NNT: variants seen among roughly 807,000 people sequenced by gnomAD.
The protein encoded by NNT is NAD(P) transhydrogenase, mitochondrial.
NNT carries 50 observed loss-of-function variants against 104.8 expected under a neutral mutation model. The ratio of observed to expected loss-of-function variants is 0.48; its 90% CI spans 0.38 to 0.60. The LOEUF (loss-of-function observed/expected upper bound fraction) is 0.60, where lower values mean the gene tolerates loss of function less well. Ranked by LOEUF, NNT falls within the 20% of genes least tolerant of loss-of-function variation. NNT has a pLI of 0.00. For missense variants in NNT, 1,131 were observed against 1,330.7 expected (o/e 0.85, Z 2.33); for synonymous variants, 461 against 490.4 (o/e 0.94, Z 0.79).
At chr5:43,703,910 T>C (rs545914671) in intron 21 of NNT, among the ~76,000 whole-genome samples, 1 of 152,324 alleles carries the variant, frequency 6.6e-6, no homozygotes, top group African/African-American at 2.4e-5. Flanking sequence ...CTTTAGCACA[T>C]TCATAGAAAG....
chr5:43,658,400 G>A (rs1433582477), intron 16 of NNT, among the ~76,000 whole-genome samples: 1 of 152,142 alleles, frequency 6.6e-6, no homozygotes, highest in African/African-American at 2.4e-5. Context: ...GTAATTTCGA[G>A]TTGTATCACG....
intron 5 of NNT, among the ~76,000 whole-genome samples, chr5:43,622,422 A>G (rs551553526): frequency 8.5e-5 from 13 of 152,232 alleles, no homozygotes; most frequent in African/African-American, 2.4e-4. Context: ...TTCTTTTTTT[A>G]AAAAAGTTTT....
intron 17 of NNT, among the ~76,000 whole-genome samples, chr5:43,668,664 G>C (rs1740858764): frequency 1.3e-5 from 2 of 152,196 alleles, no homozygotes; most frequent in Admixed American, 6.5e-5. Flanking sequence ...CCAGTACCAT[G>C]CTGTTTTGGT....
chr5:43,644,248 T>C lies in NNT; in HGVS notation c.1021T>C (p.Ser341Pro). ...AATGATTGAGTCAATGAAGGAAGGTTCAGTTGTTGTGGATTTAGCTGCTGA... is the reference window on the plus strand; with the variant it reads ...AATGATTGAGTCAATGAAGGAAGGTCCAGTTGTTGTGGATTTAGCTGCTGA... ...KEMIESMKEG[S>P]VVVDLAAEAG... The change falls in exon 8 of 22, where the codon TCA becomes CCA. Residue 341 changes from serine to proline, a missense_variant. Physicochemically the swap from Ser to Pro is moderately conservative, Grantham distance 74. Coordinates refer to ENST00000344920, the MANE Select transcript of NNT (RefSeq NM_182977.3). 1 of 1,613,510 alleles carries C rather than the reference T, an allele frequency of 6.2e-7. No individual in the cohort carries two copies. The highest frequency in any genetic ancestry group is 1.1e-5 in the South Asian group (1 of 90,978).
At chr5:43,619,951 T>C (rs1249050641) in intron 5 of NNT, among the ~76,000 whole-genome samples, 1 of 151,958 alleles carries the variant, frequency 6.6e-6, no homozygotes, top group Non-Finnish European at 1.5e-5. Context: ...AGAGAGAAAC[T>C]GAGGGAGCCA....
At chr5:43,697,759 T>C (rs542348096) in intron 19 of NNT, among the ~76,000 whole-genome samples, 13 of 152,278 alleles carry the variant, frequency 8.5e-5, no homozygotes, top group East Asian at 3.9e-4. Flanking sequence ...TCACATCTTA[T>C]GTGGATGGTG....
chr5:43,687,174 T>C (rs977602582), intron 19 of NNT, among the ~76,000 whole-genome samples: 1 of 152,136 alleles, frequency 6.6e-6, no homozygotes, highest in African/African-American at 2.4e-5. Context: ...AGTTATGTTA[T>C]TGTATAGTAA....
Position 43,628,395 on chromosome 5 carries a change from A to C in NNT, c.964+8A>C, listed in dbSNP as rs1365089764. ...GCACAGCACTTATTCCAGGTATGCCATTAAGTAAACGGTTATTTTAAAAGC... is the reference window on the plus strand; with the variant it reads ...GCACAGCACTTATTCCAGGTATGCCCTTAAGTAAACGGTTATTTTAAAAGC... On this transcript the variant is annotated splice_region_variant and intron_variant, in intron 7 of 21. Coordinates refer to ENST00000344920, the MANE Select transcript of NNT (RefSeq NM_182977.3). 6.4e-7 allele frequency: 1 copy of C among 1,566,274 alleles called. No homozygotes were observed. Among genetic ancestry groups the C allele is most frequent in the Non-Finnish European group, 8.6e-7 (1 of 1,156,732 alleles).
intron 18 of NNT, among the ~76,000 whole-genome samples, chr5:43,677,155 C>T (rs1023828472): frequency 2.6e-5 from 4 of 151,916 alleles, no homozygotes; most frequent in African/African-American, 4.8e-5. Context: ...TACTGGCGCT[C>T]AAATGACAGG....
At chr5:43,623,981 T>G (rs1045318843) in intron 5 of NNT, 51 bp from the exon 6 acceptor site, 1 of 1,542,802 alleles carries the variant, frequency 6.5e-7, no homozygotes, top group Non-Finnish European at 9.0e-7. Context: ...TGATGATTTT[T>G]CATTATTAGT....
At chr5:43,607,437 T>A (rs1460712495) in intron 1 of NNT, among the ~76,000 whole-genome samples, 1 of 152,058 alleles carries the variant, frequency 6.6e-6, no homozygotes, top group Non-Finnish European at 1.5e-5. Context: ...AAACCTCCCT[T>A]AACTGTAATT....
rs1743093280 is a variant in NNT, at chr5:43,706,339, CTCTTTTTCCA to C, written c.*1936_*1945del. ...TTTTATACATTCTATTTCATTATTC[CTCTTTTTCCA>C]ATAAGTCATACAATTGGTAGATATG... On this transcript the variant is annotated 3_prime_UTR_variant, in exon 22 of 22. Transcript: ENST00000344920. The C allele has an allele frequency of 4.0e-5, 6 of 151,068 alleles. No individual in the cohort carries two copies. The highest frequency in any genetic ancestry group is 3.3e-4 in the Admixed American group (5 of 15,188). 9.4% of individuals were successfully genotyped at this position (151,068 alleles called of 1,614,324 possible). A position where few individuals can be genotyped will look rare whatever the true frequency, so the allele number is the denominator to read the frequency against.
chr5:43,669,855 G>A lies in NNT; in HGVS notation c.2635-5656G>A, dbSNP rs566405325. On this transcript the variant is annotated intron_variant, in intron 17 of 21. Coordinates refer to ENST00000344920, the MANE Select transcript of NNT (RefSeq NM_182977.3). ...TGATTGGAATAGTTTCAGAAGGAAT[G>A]GTACCAGCTCCTTCTTGTACCTCTG... is the stretch of plus-strand genomic sequence containing the variant. Among the ~76,000 whole-genome samples the A allele has an allele frequency of 6.9e-4, 105 of 152,298 alleles. 2 individuals are homozygous for A. Among genetic ancestry groups the A allele is most frequent in the African/African-American group, 2.2e-3 (91 of 41,568 alleles).
intron 15 of NNT, 83 bp from the exon 16 acceptor site, chr5:43,656,570 A>C: frequency 7.9e-7 from 1 of 1,258,088 alleles, no homozygotes; most frequent in South Asian, 1.5e-5. Context: ...GTTAGAGATG[A>C]CTGTGTAGAA....
chr5:43,647,309 A>G (rs1464078026), intron 10 of NNT, among the ~76,000 whole-genome samples: 1 of 152,244 alleles, frequency 6.6e-6, no homozygotes, highest in Non-Finnish European at 1.5e-5. Flanking sequence ...TACATGGAAC[A>G]TATTATGAGT....
intron 1 of NNT, among the ~76,000 whole-genome samples, chr5:43,608,697 A>G (rs1286944563): frequency 6.6e-6 from 1 of 152,242 alleles, no homozygotes; most frequent in African/African-American, 2.4e-5. Flanking sequence ...GTAAGTCACC[A>G]TTATACTGTA....
chr5:43,692,416 C>T (rs1011846126), intron 19 of NNT, among the ~76,000 whole-genome samples: 24 of 152,214 alleles, frequency 1.6e-4, no homozygotes, highest in South Asian at 1.0e-3. Flanking sequence ...CTCCGCCTCC[C>T]GGGTTCAAGC....
intron 19 of NNT, among the ~76,000 whole-genome samples, chr5:43,684,588 T>C (rs1741887601): frequency 6.6e-6 from 1 of 152,084 alleles, no homozygotes. Flanking sequence ...CATGTTTCCC[T>C]TCGGATGGAT....
chr5:43,691,978 G>C (rs1336564210), intron 19 of NNT, among the ~76,000 whole-genome samples: 1 of 152,150 alleles, frequency 6.6e-6, no homozygotes, highest in Non-Finnish European at 1.5e-5. Context: ...AGTTCTTCTT[G>C]GCAGAGATTT....
Sources: gnomAD v4.1 joint callset for allele counts (sites outside exome capture counted in the v4.1 genomes callset) on GRCh38, gnomAD v4.1.1 for gene constraint, MANE v1.5 for transcripts, NCBI Gene and HGNC (gene_info 2026-07-23, HGNC 2026-07-21) for gene names.